Variants in C12orf42 observed in about 807,000 individuals in gnomAD.
C12orf42 encodes the protein uncharacterized protein C12orf42.
C12orf42 carries 25 observed loss-of-function variants against 21.6 expected under a neutral mutation model. That is an observed-to-expected ratio of 1.16 (90% CI 0.84 to 1.62). The LOEUF (loss-of-function observed/expected upper bound fraction) is 1.62, where lower values mean the gene tolerates loss of function less well. C12orf42 is among the 40% of genes most tolerant of loss of function. C12orf42 has a pLI of 0.00. For synonymous variants in C12orf42, 174 were observed against 175.0 expected, an observed-to-expected ratio of 0.99 and a Z score of 0.05; for missense variants, 483 against 459.3, an observed-to-expected ratio of 1.05 and a Z score of -0.47.
At chr12:103,112,792 C>G in the C12orf42 span, among the ~76,000 whole-genome samples, 4 of 152,180 alleles carry the variant, frequency 2.6e-5, no homozygotes, top group Non-Finnish European at 5.9e-5. Flanking sequence ...CTTCATGTCT[C>G]CCTGGTATGC....
chr12:103,536,191 G>A, the C12orf42 span, among the ~76,000 whole-genome samples: 2 of 152,306 alleles, frequency 1.3e-5, no homozygotes, highest in East Asian at 1.9e-4. Flanking sequence ...TGTCAAAGAT[G>A]AGAGTCAATA....
chr12:103,302,000 C>G lies in C12orf42; in HGVS notation c.*108G>C. 1 of 1,257,784 alleles carries G rather than the reference C, an allele frequency of 8.0e-7. No homozygotes were observed. Among genetic ancestry groups the G allele is most frequent in the Non-Finnish European group, 1.1e-6 (1 of 905,600 alleles). The allele number at this position is 1,257,784 out of a possible 1,614,324, so 77.9% of individuals were successfully genotyped here. A position where few individuals can be genotyped will look rare whatever the true frequency, so the allele number is the denominator to read the frequency against. ...AGGTTCAAAAATGCTTCACAAAAGC[C>G]TAACAATGGTTCTGTGGAAACCAGT... On this transcript the variant is annotated 3_prime_UTR_variant, in exon 6 of 6. Coordinates refer to ENST00000548883, the MANE Select transcript of C12orf42 (RefSeq NM_198521.5).
intron 1 of C12orf42, among the ~76,000 whole-genome samples, chr12:103,482,385 G>C (rs1368589839): frequency 6.6e-6 from 1 of 152,050 alleles, no homozygotes; most frequent in Admixed American, 6.6e-5. Context: ...CCATCTTATA[G>C]TTTTCATTAT....
At chr12:103,240,415 C>G (rs17033611) in intron 10 of C12orf42, among the ~76,000 whole-genome samples, 13,319 of 152,162 alleles carry the variant, frequency 0.088, 600 homozygotes, top group East Asian at 0.15. Flanking sequence ...GAGACACATG[C>G]TAGCAAGTCA....
the C12orf42 span, among the ~76,000 whole-genome samples, chr12:103,509,601 C>T: frequency 6.2e-4 from 95 of 152,270 alleles, 1 homozygote; most frequent in East Asian, 0.01. Flanking sequence ...GTTATGCTGA[C>T]CTTAGACCAA....
At chr12:103,480,511 T>C (rs879922661) in intron 1 of C12orf42, among the ~76,000 whole-genome samples, 3 of 151,706 alleles carry the variant, frequency 2.0e-5, no homozygotes, top group Admixed American at 2.0e-4. Context: ...CTTATTCTGC[T>C]ATTCTTGTGT....
chr12:103,454,417 A>G (rs895050500), intron 2 of C12orf42, among the ~76,000 whole-genome samples: 18 of 152,106 alleles, frequency 1.2e-4, no homozygotes, highest in African/African-American at 4.1e-4. Flanking sequence ...TATTCTACTG[A>G]AAAAGACAGG....
the C12orf42 span, among the ~76,000 whole-genome samples, chr12:103,137,266 A>C: frequency 6.6e-6 from 1 of 152,192 alleles, no homozygotes; most frequent in Non-Finnish European, 1.5e-5. Flanking sequence ...CACATATATG[A>C]AAATATGCTC....
At chr12:103,524,975 G>A in the C12orf42 span, among the ~76,000 whole-genome samples, 1 of 143,066 alleles carries the variant, frequency 7.0e-6, no homozygotes, top group Non-Finnish European at 1.5e-5. Flanking sequence ...GGGGGGGGCA[G>A]GGGGGCAGGT....
At chr12:103,319,760 G>A (rs369364821) in intron 4 of C12orf42, among the ~76,000 whole-genome samples, 21 of 152,284 alleles carry the variant, frequency 1.4e-4, no homozygotes, top group African/African-American at 4.3e-4. Flanking sequence ...TGGTTGGTGC[G>A]ACATTGTTTG....
At chr12:103,506,618 T>C in the C12orf42 span, among the ~76,000 whole-genome samples, 1 of 150,804 alleles carries the variant, frequency 6.6e-6, no homozygotes, top group East Asian at 2.0e-4. Context: ...ACCATCTAGG[T>C]TTGTGTAAGT....
At chr12:103,368,325 A>T (rs2044824830) in intron 4 of C12orf42, among the ~76,000 whole-genome samples, 1 of 151,348 alleles carries the variant, frequency 6.6e-6, no homozygotes, top group African/African-American at 2.4e-5. Flanking sequence ...TCTCACACAC[A>T]CACACACACA....
intron 3 of C12orf42, among the ~76,000 whole-genome samples, chr12:103,385,263 T>A (rs973998808): frequency 6.6e-6 from 1 of 152,178 alleles, no homozygotes; most frequent in Non-Finnish European, 1.5e-5. Context: ...AATTAACCAG[T>A]CACTTCATGT....
At chr12:103,058,349 A>C in the C12orf42 span, among the ~76,000 whole-genome samples, 1 of 152,204 alleles carries the variant, frequency 6.6e-6, no homozygotes, top group East Asian at 1.9e-4. Context: ...AATTTGTTTA[A>C]ATTCCTTGTA....
intron 4 of C12orf42, among the ~76,000 whole-genome samples, chr12:103,366,350 C>T (rs61617103): frequency 0.031 from 4,647 of 152,104 alleles, 210 homozygotes; most frequent in African/African-American, 0.11. Context: ...AGACCCAACA[C>T]TATAAAAATT....
chr12:103,476,347 C>T (rs1393352716), intron 2 of C12orf42, among the ~76,000 whole-genome samples: 2 of 152,230 alleles, frequency 1.3e-5, no homozygotes, highest in Non-Finnish European at 2.9e-5. Flanking sequence ...CACTTCGCCA[C>T]AGACCACAAG....
intron 2 of C12orf42, among the ~76,000 whole-genome samples, chr12:103,475,025 G>T (rs1953936155): frequency 6.6e-6 from 1 of 152,120 alleles, no homozygotes; most frequent in Non-Finnish European, 1.5e-5. Context: ...CTTTTGTGTG[G>T]CCTTTTTATT....
At chr12:103,282,746 A>G (rs1446393175) in intron 4 of C12orf42, among the ~76,000 whole-genome samples, 2 of 152,228 alleles carry the variant, frequency 1.3e-5, no homozygotes, top group African/African-American at 2.4e-5. Flanking sequence ...GGTCAGCTTT[A>G]ATTTGTCTTT....
intron 4 of C12orf42, among the ~76,000 whole-genome samples, chr12:103,343,134 C>T (rs753366705): frequency 3.9e-5 from 6 of 152,178 alleles, no homozygotes; most frequent in Non-Finnish European, 8.8e-5. Flanking sequence ...TGAAAACAAA[C>T]CATTTCTACA....
Sources: allele counts gnomAD v4.1 joint callset (sites outside exome capture counted in the v4.1 genomes callset), GRCh38; gene constraint gnomAD v4.1.1; transcripts MANE v1.5; gene names NCBI Gene and HGNC (gene_info 2026-07-23, HGNC 2026-07-21).